HIPK3: variants seen among roughly 807,000 people sequenced by gnomAD.
HIPK3 encodes homeodomain-interacting protein kinase 3.
Under a neutral mutation model 124.2 loss-of-function variants are expected in HIPK3, and 47 were observed. The ratio of observed to expected loss-of-function variants is 0.38; its 90% CI spans 0.30 to 0.48. The LOEUF (loss-of-function observed/expected upper bound fraction) is 0.48, where lower values mean the gene tolerates loss of function less well. Among genes scored for constraint, HIPK3 ranks in the 20% least tolerant of loss-of-function variants. The probability of loss-of-function intolerance (pLI) is 0.98; values close to 1 mark genes in which losing one functional copy is unlikely to be tolerated. For synonymous variants in HIPK3, 482 were observed against 515.2 expected (o/e 0.94, Z 0.87); for missense variants, 1,286 against 1,454.3 (o/e 0.88, Z 1.88).
rs181911010 is a variant in HIPK3 at position 33,266,341 on chromosome 11, A to C, written c.-3+8452A>C. Among the ~76,000 whole-genome samples the C allele has an allele frequency of 2.6e-5, 4 of 152,226 alleles. No homozygotes were observed. In the East Asian group the frequency reaches 7.7e-4, roughly 29 times the overall value. On this transcript the variant is annotated intron_variant, in intron 1 of 16. Transcript: ENST00000303296. ...AAAATGAAATATTTAAATAAATGATATTAAAATAGTAGCATTCATGTTAAA... is the reference window on the plus strand; with the variant it reads ...AAAATGAAATATTTAAATAAATGATCTTAAAATAGTAGCATTCATGTTAAA...
At position 33,258,934 on chromosome 11, in the gene HIPK3, T is replaced by TTTCAAAAAATTTCC. The variant is rs767772944; in HGVS notation, c.-3+1045_-3+1046insTTCAAAAAATTTCC. Reference sequence around the variant, plus strand: ...AGCAACAGCAAAAAATTTCAGTTTATCGTCCAGTTTAGAGGGAAAGCGCAT... The same window carrying TTTCAAAAAATTTCC: ...AGCAACAGCAAAAAATTTCAGTTTATTTCAAAAAATTTCCCGTCCAGTTTAGAGGGAAAGCGCAT... On this transcript the variant is annotated intron_variant, in intron 1 of 16. Transcript: ENST00000303296. Among the ~76,000 whole-genome samples the TTTCAAAAAATTTCC allele has an allele frequency of 8.0e-3, 1,216 of 152,286 alleles. 6 individuals are homozygous for TTTCAAAAAATTTCC. The highest frequency in any genetic ancestry group is 0.014 in the Middle Eastern group (4 of 294).
chr11:33,299,233 G>T (rs548020042), intron 2 of HIPK3, among the ~76,000 whole-genome samples: 166 of 151,866 alleles, frequency 1.1e-3, no homozygotes, highest in Middle Eastern at 3.4e-3. Flanking sequence ...TAGCACTTTG[G>T]GAGGTCGAGG....
At chr11:33,269,571 C>T (rs996773054) in intron 1 of HIPK3, among the ~76,000 whole-genome samples, 13 of 152,024 alleles carry the variant, frequency 8.6e-5, no homozygotes, top group African/African-American at 2.9e-4. Flanking sequence ...TATCTGAGAT[C>T]TTAAGCAACC....
rs116130374 is a variant in HIPK3 at position 33,333,509 on chromosome 11, T to C, written c.1222-3566T>C. Among the ~76,000 whole-genome samples, 863 of 152,346 alleles carry C rather than the reference T, an allele frequency of 5.7e-3. 12 individuals are homozygous for C. The highest frequency in any genetic ancestry group is 0.019 in the African/African-American group (810 of 41,570). ...CTTAGTTTTTTTCTAGTTGAGTTCATGAGGCCAGTTTAGAATTATGTGTCA... is the reference window on the plus strand; with the variant it reads ...CTTAGTTTTTTTCTAGTTGAGTTCACGAGGCCAGTTTAGAATTATGTGTCA... On this transcript the variant is annotated intron_variant, in intron 3 of 16. Coordinates refer to ENST00000303296, the MANE Select transcript of HIPK3 (RefSeq NM_005734.5).
rs369151270 is a variant in HIPK3 at position 33,286,957 on chromosome 11, C to G, written c.543C>G (p.Asp181Glu). 1.2e-6 allele frequency: 2 copies of G among 1,614,110 alleles called. No individual in the cohort carries two copies. Among genetic ancestry groups the G allele is most frequent in the Non-Finnish European group, 8.5e-7 (1 of 1,179,962 alleles). The change falls in exon 2 of 17, where the codon GAC (aspartate) becomes GAG (glutamate). Residue 181 changes from aspartate to glutamate, a missense_variant. Physicochemically the swap from Asp to Glu is conservative, Grantham distance 45. Transcript: ENST00000303296. Reference protein sequence around the residue: ...SKQNCTTGEGDYQLVQHEVLC... With the variant: ...SKQNCTTGEGEYQLVQHEVLC... Reference sequence around the variant, plus strand: ...AGAATTGTACCACTGGAGAAGGTGACTATCAGTTAGTACAGCATGAAGTCT... The same window carrying G: ...AGAATTGTACCACTGGAGAAGGTGAGTATCAGTTAGTACAGCATGAAGTCT...
chr11:33,265,303 G>T (rs73485390), intron 1 of HIPK3, among the ~76,000 whole-genome samples: 1 of 152,076 alleles, frequency 6.6e-6, no homozygotes. Flanking sequence ...GCAGTATATT[G>T]GTTGTAGTTT....
chr11:33,294,106 A>G (rs1851773566), intron 2 of HIPK3, among the ~76,000 whole-genome samples: 1 of 151,690 alleles, frequency 6.6e-6, no homozygotes, highest in Admixed American at 6.6e-5. Flanking sequence ...CCAAGCCAAG[A>G]TCGCGCCATT....
chr11:33,347,716 G>A lies in HIPK3; in HGVS notation c.2107G>A (p.Glu703Lys). Residue 703 changes from glutamate (E) to lysine (K), a missense_variant, in exon 10 of 17, where the codon GAG becomes AAG. By Grantham distance (56) the Glu-to-Lys change is moderately conservative. Transcript: ENST00000303296. ...TCCTGCTACTACTACACTAACTTCT[G>A]AGAGTGTGGCTGGTTCACACAGGCT... ...LAPATTTLTSESVAGSHRLGD... is the reference protein window; with the variant it reads ...LAPATTTLTSKSVAGSHRLGD... 6.2e-7 allele frequency: 1 copy of A among 1,614,204 alleles called. No individual in the cohort carries two copies. Among genetic ancestry groups the A allele is most frequent in the Non-Finnish European group, 8.5e-7 (1 of 1,180,022 alleles).
intron 2 of HIPK3, among the ~76,000 whole-genome samples, chr11:33,297,494 A>G (rs773936214): frequency 1.3e-5 from 2 of 152,184 alleles, no homozygotes; most frequent in Non-Finnish European, 2.9e-5. Context: ...CTTCAATTCT[A>G]TGAAAGTGCA....
At chr11:33,264,641 C>A (rs1403784883) in intron 1 of HIPK3, among the ~76,000 whole-genome samples, 2 of 152,264 alleles carry the variant, frequency 1.3e-5, no homozygotes, top group East Asian at 3.9e-4. Context: ...TTTGGCTAGA[C>A]AGTTATTTTA....
At chr11:33,293,621 AAAT>A (rs1370377135) in intron 2 of HIPK3, among the ~76,000 whole-genome samples, 1 of 152,078 alleles carries the variant, frequency 6.6e-6, no homozygotes, top group Non-Finnish European at 1.5e-5. Flanking sequence ...TTTTATTACC[AAAT>A]AATAAACCAT....
chr11:33,284,356 A>G (rs980015310), intron 1 of HIPK3, among the ~76,000 whole-genome samples: 3 of 152,226 alleles, frequency 2.0e-5, no homozygotes, highest in Non-Finnish European at 4.4e-5. Context: ...TAATCGCAAA[A>G]TGAGAAGAAT....
chr11:33,327,314 T>G (rs1303708869), intron 2 of HIPK3, among the ~76,000 whole-genome samples: 1 of 152,134 alleles, frequency 6.6e-6, no homozygotes, highest in Non-Finnish European at 1.5e-5. Flanking sequence ...AATCTAATTA[T>G]GAGGAAACAT....
intron 1 of HIPK3, among the ~76,000 whole-genome samples, chr11:33,261,599 T>A (rs1003442018): frequency 6.6e-6 from 1 of 152,214 alleles, no homozygotes; most frequent in Non-Finnish European, 1.5e-5. Context: ...AGCATATTTT[T>A]AAAAAATCGA....
At position 33,348,189 on chromosome 11, in the gene HIPK3, A is replaced by T. The variant is rs1198366261; in HGVS notation, c.2330A>T (p.Glu777Val). ...QNRGILVKLM[E>V]WEPGREEINA... ...AGAGGTATTTTGGTAAAACTAATGG[A>T]ATGGGAGCCAGGAAGAGAGGAAATA... Residue 777 changes from glutamate (E) to valine (V), a missense_variant, in exon 12 of 17, where the codon GAA (glutamate) becomes GTA (valine). Physicochemically the swap from Glu to Val is moderately radical, Grantham distance 121 (BLOSUM62 -2). Around this residue, in one of 3 missense-constraint regions of HIPK3, gnomAD observed 810 missense variants for 864.9 expected, o/e 0.94. Coordinates refer to ENST00000303296, the MANE Select transcript of HIPK3 (RefSeq NM_005734.5). 1.2e-6 allele frequency: 2 copies of T among 1,614,050 alleles called. 1 individual carries two copies. The highest frequency in any genetic ancestry group is 3.3e-5 in the Admixed American group (2 of 60,018).
intron 2 of HIPK3, among the ~76,000 whole-genome samples, chr11:33,294,810 C>G (rs895763964): frequency 6.6e-6 from 1 of 152,202 alleles, no homozygotes; most frequent in African/African-American, 2.4e-5. Context: ...CAACTCAATA[C>G]TGTTAGCTAA....
At chr11:33,296,176 C>T (rs1465747339) in intron 2 of HIPK3, among the ~76,000 whole-genome samples, 1 of 152,140 alleles carries the variant, frequency 6.6e-6, no homozygotes, top group Non-Finnish European at 1.5e-5. Context: ...TAAATTATCC[C>T]AGATGGTTCA....
intron 2 of HIPK3, among the ~76,000 whole-genome samples, chr11:33,317,407 C>T (rs931807385): frequency 6.6e-6 from 1 of 151,506 alleles, no homozygotes; most frequent in Middle Eastern, 3.2e-3. Flanking sequence ...ACCACAGGCA[C>T]ACACCACCAT....
chr11:33,277,711 T>A (rs779836699), intron 1 of HIPK3, among the ~76,000 whole-genome samples: 1 of 152,216 alleles, frequency 6.6e-6, no homozygotes, highest in Non-Finnish European at 1.5e-5. Flanking sequence ...GGAGAAGAAT[T>A]GCTGGATTAT....
Sources: allele counts gnomAD v4.1 joint callset (sites outside exome capture counted in the v4.1 genomes callset), GRCh38; gene constraint gnomAD v4.1.1; regional missense constraint gnomAD v4.1.1; transcripts MANE v1.5; gene names NCBI Gene and HGNC (gene_info 2026-07-23, HGNC 2026-07-21).